FKBP5: variants seen among roughly 807,000 people sequenced by gnomAD.
FKBP5 encodes peptidyl-prolyl cis-trans isomerase FKBP5.
In FKBP5, 23 loss-of-function variants were observed where a neutral mutation model predicts 50.5. That is an observed-to-expected ratio of 0.46 (90% CI 0.33 to 0.65). The LOEUF (loss-of-function observed/expected upper bound fraction) is 0.65, where lower values mean the gene tolerates loss of function less well. FKBP5 is among the 30% of genes least tolerant of loss of function. FKBP5 has a pLI of 0.02. For missense variants in FKBP5, 411 were observed against 553.1 expected, an observed-to-expected ratio of 0.74 and a Z score of 2.58; for synonymous variants, 176 against 190.6, an observed-to-expected ratio of 0.92 and a Z score of 0.63.
At chr6:35,686,681 A>G (rs1290753764) in intron 1 of FKBP5, among the ~76,000 whole-genome samples, 1 of 152,236 alleles carries the variant, frequency 6.6e-6, no homozygotes, top group African/African-American at 2.4e-5. Context: ...ACAGGTATAC[A>G]AACAGGATGT....
At chr6:35,615,397 GA>G (rs1763620259) in intron 5 of FKBP5, among the ~76,000 whole-genome samples, 1 of 151,906 alleles carries the variant, frequency 6.6e-6, no homozygotes, top group Non-Finnish European at 1.5e-5. Flanking sequence ...TCTAGGGCAG[GA>G]AAATTTTAAG....
intron 1 of FKBP5, among the ~76,000 whole-genome samples, chr6:35,645,412 G>A (rs1157195709): frequency 2.0e-5 from 3 of 152,012 alleles, no homozygotes; most frequent in Non-Finnish European, 2.9e-5. Context: ...AGCCTGGGCC[G>A]AAGGGTGAGA....
At position 35,650,626 on chromosome 6, in the gene FKBP5, AC is replaced by A. The variant is rs775371954; in HGVS notation, c.-19-7784del. Reference sequence around the variant, plus strand: ...GTAGCTGGGATTACAGGTGTGCGCCACCAATGCCCGGCTAATTTTTGTATTT... The same window carrying A: ...GTAGCTGGGATTACAGGTGTGCGCCACAATGCCCGGCTAATTTTTGTATTT... On this transcript the variant is annotated intron_variant, in intron 1 of 10. Coordinates refer to ENST00000357266, the MANE Select transcript of FKBP5 (RefSeq NM_004117.4). 2.0e-5 allele frequency among the ~76,000 whole-genome samples: 3 copies of A among 152,086 alleles called. No homozygotes were observed. In the East Asian group the frequency reaches 5.8e-4, roughly 30 times the overall value.
intron 1 of FKBP5, among the ~76,000 whole-genome samples, chr6:35,676,680 T>C (rs771761134): frequency 3.9e-5 from 6 of 152,234 alleles, no homozygotes; most frequent in Non-Finnish European, 7.3e-5. Context: ...TAATCAGATG[T>C]TCTCAATTAT....
At chr6:35,677,220 C>T (rs546334887) in intron 1 of FKBP5, among the ~76,000 whole-genome samples, 2 of 152,140 alleles carry the variant, frequency 1.3e-5, no homozygotes, top group South Asian at 4.1e-4. Context: ...ACTACAGGCG[C>T]CTGCCACCAC....
chr6:35,591,448 A>G (rs1019531605), intron 6 of FKBP5, among the ~76,000 whole-genome samples: 1 of 152,092 alleles, frequency 6.6e-6, no homozygotes, highest in African/African-American at 2.4e-5. Context: ...TCACATTCAC[A>G]TGTAATGCAA....
At position 35,592,099 on chromosome 6, in the gene FKBP5, T is replaced by A. The variant is rs542829371; in HGVS notation, c.666-879A>T. Among the ~76,000 whole-genome samples, 18 of 152,352 alleles carry A rather than the reference T, an allele frequency of 1.2e-4. No homozygotes were observed. In the East Asian group the frequency reaches 3.5e-3, roughly 29 times the overall value. ...TTGTTTAGAACAAGGCCCAGCATAT[T>A]AGTCAAGTGTTCACTGAAATATATT... On this transcript the variant is annotated intron_variant, in intron 6 of 10. Transcript: ENST00000357266.
At chr6:35,683,120 ATGTGTGTGTGTGTG>A (rs35830022) in intron 1 of FKBP5, among the ~76,000 whole-genome samples, 3,254 of 80,638 alleles carry the variant, frequency 0.04, 82 homozygotes, top group Non-Finnish European at 0.047. Context: ...ATATACGTAT[ATGTGTGTGTGTGTG>A]TGTGTGTGTG....
Position 35,575,744 on chromosome 6 carries a change from T to C in FKBP5, c.*91A>G. On this transcript the variant is annotated 3_prime_UTR_variant, in exon 11 of 11. Coordinates refer to ENST00000357266, the MANE Select transcript of FKBP5 (RefSeq NM_004117.4). ...CAGAATCACATAGACTATAACAAAC[T>C]TTACATTAAACACTGTTCTGTCCTG... is the stretch of plus-strand genomic sequence containing the variant. 2 of 921,168 alleles carry C rather than the reference T, an allele frequency of 2.2e-6. No individual in the cohort carries two copies. Among genetic ancestry groups the C allele is most frequent in the East Asian group, 2.4e-5 (1 of 41,722 alleles). The allele number at this position is 921,168 out of a possible 1,614,324, so 57.1% of individuals were successfully genotyped here.
intron 1 of FKBP5, chr6:35,664,779 G>A (rs981754035): frequency 6.5e-6 from 1 of 154,082 alleles, no homozygotes; most frequent in Non-Finnish European, 1.5e-5. Flanking sequence ...GGTAGTAGCT[G>A]AAATTAAAAG....
At chr6:35,589,165 G>A (rs1430092613) in intron 7 of FKBP5, among the ~76,000 whole-genome samples, 40 of 135,502 alleles carry the variant, frequency 3.0e-4, no homozygotes, top group African/African-American at 1.1e-3. Flanking sequence ...GTCTTGCTCT[G>A]TCTCTCAGGC....
intron 1 of FKBP5, among the ~76,000 whole-genome samples, chr6:35,651,494 G>C (rs966125054): frequency 2.0e-5 from 3 of 152,168 alleles, no homozygotes; most frequent in Admixed American, 6.5e-5. Flanking sequence ...GATAAGGCCT[G>C]AGCTCAGGAG....
chr6:35,582,150 G>GTCAC, intron 8 of FKBP5: 2 of 983,726 alleles, frequency 2.0e-6, no homozygotes, highest in Non-Finnish European at 2.4e-6. Context: ...TTCTTCCCAA[G>GTCAC]TCACTCACTT....
chr6:35,702,179 C>T (rs552982731), intron 2 of FKBP5, among the ~76,000 whole-genome samples: 44 of 152,028 alleles, frequency 2.9e-4, no homozygotes, highest in Non-Finnish European at 5.4e-4. Flanking sequence ...GCAACCCTAA[C>T]CTCTCTGGAC....
chr6:35,724,930 C>T (rs1394839246), intron 1 of FKBP5, among the ~76,000 whole-genome samples: 1 of 152,136 alleles, frequency 6.6e-6, no homozygotes, highest in African/African-American at 2.4e-5. Context: ...TAAATAAAGA[C>T]CTGAACCTCA....
intron 3 of FKBP5, among the ~76,000 whole-genome samples, chr6:35,630,324 G>A (rs368229592): frequency 6.6e-6 from 1 of 152,084 alleles, no homozygotes; most frequent in Non-Finnish European, 1.5e-5. Context: ...CAAGGCAGGC[G>A]GATCACGAGG....
chr6:35,597,538 G>C (rs1017806848), intron 5 of FKBP5, 134 bp from the exon 6 acceptor site: 1 of 1,031,616 alleles, frequency 9.7e-7, no homozygotes, highest in African/African-American at 1.6e-5. Flanking sequence ...GACACACACA[G>C]TGTGTCTTGG....
rs1421116472 is a variant in FKBP5, at chr6:35,605,040, C to A, written c.509-7636G>T. 2.6e-5 allele frequency among the ~76,000 whole-genome samples: 4 copies of A among 152,158 alleles called. No homozygotes were observed. The East Asian group carries it at 7.7e-4, about 29-fold the overall frequency. ...CCTCGTGATCCACGTGCCTCGGCCT[C>A]CCAAAGTGCTGGGATTACAGGCGTG... is the stretch of plus-strand genomic sequence containing the variant. On this transcript the variant is annotated intron_variant, in intron 5 of 10. Transcript: ENST00000357266.
In FKBP5 at chr6:35,699,704, C is replaced by A. The variant is rs111927041; in HGVS notation, c.-20+20624G>T. Among the ~76,000 whole-genome samples the A allele has an allele frequency of 5.5e-3, 837 of 152,314 alleles. 11 individuals are homozygous for A. Among genetic ancestry groups the A allele is most frequent in the African/African-American group, 0.018 (766 of 41,564 alleles). ...TAAGAGACAAGTTATCCACTCCCCA[C>A]ACACAATGGTGAGGCAGGGAAGAGA... On this transcript the variant is annotated intron_variant, in intron 2 of 11. Coordinates refer to the FKBP5 transcript ENST00000536438.
Sources: gnomAD v4.1 joint callset for allele counts (sites outside exome capture counted in the v4.1 genomes callset) on GRCh38, gnomAD v4.1.1 for gene constraint, MANE v1.5 for transcripts, NCBI Gene and HGNC (gene_info 2026-07-23, HGNC 2026-07-21) for gene names.